NELL1: variants seen among roughly 807,000 people sequenced by gnomAD.
NELL1 encodes the protein protein kinase C-binding protein NELL1.
NELL1 carries 76 observed loss-of-function variants against 107.4 expected under a neutral mutation model. That is an observed-to-expected ratio of 0.71 (90% CI 0.59 to 0.86). The LOEUF (loss-of-function observed/expected upper bound fraction) is 0.86. Ranked by LOEUF, NELL1 falls within the 40% of genes least tolerant of loss-of-function variation. The pLI is 0.00. For synonymous variants in NELL1, 353 were observed against 341.2 expected (o/e 1.03, Z -0.38); for missense variants, 1,024 against 1,005.5 (o/e 1.02, Z -0.25).
Position 21,263,740 on chromosome 11 carries a change from A to G in NELL1, c.1549+34286A>G, listed in dbSNP as rs185015231. ...TTAATTCCTGAGCCTCTTAAATCCC[A>G]TGGTGCAAAACAAATTGTTTCTTGG... On this transcript the variant is annotated intron_variant, in intron 14 of 19. Coordinates refer to ENST00000357134, the MANE Select transcript of NELL1 (RefSeq NM_006157.5). 6.4e-4 allele frequency among the ~76,000 whole-genome samples: 97 copies of G among 151,984 alleles called. No homozygotes were observed. In the East Asian group the frequency reaches 0.016, roughly 25 times the overall value.
intron 10 of NELL1, among the ~76,000 whole-genome samples, chr11:20,943,906 A>G (rs543449587): frequency 1.2e-4 from 19 of 152,216 alleles, no homozygotes; most frequent in Non-Finnish European, 2.6e-4. Flanking sequence ...GCTATGGCCC[A>G]TTGATTCCCT....
intron 12 of NELL1, among the ~76,000 whole-genome samples, chr11:20,995,218 T>A (rs1387618340): frequency 6.6e-6 from 1 of 152,160 alleles, no homozygotes; most frequent in Non-Finnish European, 1.5e-5. Context: ...TTGCTCATCC[T>A]TTTCTTGTGA....
intron 2 of NELL1, chr11:20,769,710 C>T (rs61880372): frequency 0.01 from 1,583 of 152,584 alleles, 11 homozygotes; most frequent in Non-Finnish European, 0.015. Context: ...TGGATAGGCA[C>T]GGAGATGGCT....
At chr11:20,807,637 C>G (rs894343353) in intron 3 of NELL1, among the ~76,000 whole-genome samples, 1 of 152,214 alleles carries the variant, frequency 6.6e-6, no homozygotes, top group African/African-American at 2.4e-5. Flanking sequence ...TTCTGTGCAG[C>G]AAGTTCCCCT....
chr11:20,938,971 C>A (rs192297799), intron 10 of NELL1, among the ~76,000 whole-genome samples: 3 of 149,730 alleles, frequency 2.0e-5, no homozygotes, highest in South Asian at 2.1e-4. Context: ...TGTGCATGCA[C>A]GTGTGTATGT....
intron 17 of NELL1, among the ~76,000 whole-genome samples, chr11:21,566,867 A>G (rs1266008835): frequency 6.6e-6 from 1 of 151,914 alleles, no homozygotes; most frequent in African/African-American, 2.4e-5. Flanking sequence ...ATTCAAAGGC[A>G]AAGTGAACAT....
intron 15 of NELL1, among the ~76,000 whole-genome samples, chr11:21,467,928 G>T (rs180697410): frequency 5.3e-5 from 8 of 152,114 alleles, no homozygotes; most frequent in Non-Finnish European, 7.4e-5. Flanking sequence ...CCCCTTGCAA[G>T]CTTTAGGGCT....
chr11:21,114,168 G>A (rs1379590633), intron 13 of NELL1, among the ~76,000 whole-genome samples: 3 of 151,950 alleles, frequency 2.0e-5, no homozygotes, highest in African/African-American at 2.4e-5. Flanking sequence ...GGAGCTGGTC[G>A]AAACTGTATT....
At chr11:20,711,550 T>G (rs1452259557) in intron 2 of NELL1, among the ~76,000 whole-genome samples, 1 of 152,182 alleles carries the variant, frequency 6.6e-6, no homozygotes, top group Non-Finnish European at 1.5e-5. Flanking sequence ...GAACTCCTTT[T>G]AGCATTTCTT....
intron 14 of NELL1, among the ~76,000 whole-genome samples, chr11:21,313,631 G>A (rs1849798034): frequency 6.6e-6 from 1 of 152,142 alleles, no homozygotes; most frequent in Non-Finnish European, 1.5e-5. Flanking sequence ...GGAAGTCCAA[G>A]GTCAAAGGGC....
At chr11:20,992,009 A>AAAAAAG (rs1851986800) in intron 12 of NELL1, among the ~76,000 whole-genome samples, 1 of 151,976 alleles carries the variant, frequency 6.6e-6, no homozygotes, top group African/African-American at 2.4e-5. Flanking sequence ...AAAAAAAAAA[A>AAAAAAG]AAGTTGAAAA....
intron 15 of NELL1, among the ~76,000 whole-genome samples, chr11:21,495,531 G>C (rs1331885928): frequency 6.6e-6 from 1 of 152,006 alleles, no homozygotes; most frequent in African/African-American, 2.4e-5. Context: ...CTTAGGAGTG[G>C]GATTGATGGA....
chr11:21,091,239 A>G (rs867990693), intron 12 of NELL1, among the ~76,000 whole-genome samples: 2 of 152,184 alleles, frequency 1.3e-5, no homozygotes, highest in Non-Finnish European at 2.9e-5. Context: ...CTCTATTTAA[A>G]CAGCCTAGAT....
chr11:20,849,426 C>A (rs1012303223), intron 4 of NELL1, among the ~76,000 whole-genome samples: 13 of 152,182 alleles, frequency 8.5e-5, no homozygotes, highest in African/African-American at 3.1e-4. Flanking sequence ...ATATCAATGG[C>A]AGCTCTTTGA....
At chr11:20,729,996 A>G (rs1410709227) in intron 2 of NELL1, among the ~76,000 whole-genome samples, 1 of 152,152 alleles carries the variant, frequency 6.6e-6, no homozygotes, top group Non-Finnish European at 1.5e-5. Context: ...TTCGAAATGT[A>G]GAGAGAAGAT....
At chr11:20,909,291 A>C (rs941910330) in intron 5 of NELL1, among the ~76,000 whole-genome samples, 7 of 152,192 alleles carry the variant, frequency 4.6e-5, no homozygotes, top group Admixed American at 2.6e-4. Flanking sequence ...ATGCCACTGA[A>C]TTGTGCACTT....
Position 20,703,909 on chromosome 11 carries a change from T to G in NELL1, c.184+25849T>G, listed in dbSNP as rs543859487. Among the ~76,000 whole-genome samples, 91 of 152,244 alleles carry G rather than the reference T, an allele frequency of 6.0e-4. No homozygotes were observed. The East Asian group carries it at 0.012, about 20-fold the overall frequency. On this transcript the variant is annotated intron_variant, in intron 2 of 19. Coordinates refer to ENST00000357134, the MANE Select transcript of NELL1 (RefSeq NM_006157.5). ...TCTATTCTTTTACATTTGCTGAGGATTGCTTTACTTCCAACTATGTGGTCA... is the reference window on the plus strand; with the variant it reads ...TCTATTCTTTTACATTTGCTGAGGAGTGCTTTACTTCCAACTATGTGGTCA...
intron 3 of NELL1, among the ~76,000 whole-genome samples, chr11:20,812,492 T>G (rs909510423): frequency 6.6e-6 from 1 of 152,230 alleles, no homozygotes; most frequent in Admixed American, 6.5e-5. Context: ...TTGGAAGAAT[T>G]CCCTCTAATT....
intron 15 of NELL1, among the ~76,000 whole-genome samples, chr11:21,512,291 C>G (rs959459250): frequency 1.3e-5 from 2 of 152,124 alleles, no homozygotes; most frequent in Admixed American, 6.5e-5. Flanking sequence ...AAGATAAACA[C>G]CTTATCCCAC....
Sources: allele counts gnomAD v4.1 joint callset (sites outside exome capture counted in the v4.1 genomes callset), GRCh38; gene constraint gnomAD v4.1.1; transcripts MANE v1.5; gene names NCBI Gene and HGNC (gene_info 2026-07-23, HGNC 2026-07-21).